The following COL5A2 variants were observed in gnomAD, a reference collection of about 807,000 sequenced individuals.
COL5A2 encodes collagen alpha-2(V) chain.
Under a neutral mutation model 208.2 loss-of-function variants are expected in COL5A2, and 23 were observed. That is an observed-to-expected ratio of 0.11 (90% CI 0.08 to 0.16). The LOEUF (loss-of-function observed/expected upper bound fraction) is 0.16, where lower values mean the gene tolerates loss of function less well. COL5A2 is among the 10% of genes least tolerant of loss of function. COL5A2 has a pLI of 1.00. For missense variants in COL5A2, 1,590 were observed against 1,956.4 expected (o/e 0.81, Z 3.53); for synonymous variants, 625 against 628.5 (o/e 0.99, Z 0.08).
At chr2:189,187,805 T>TA (rs1317604210) in intron 1 of COL5A2, among the ~76,000 whole-genome samples, 1 of 151,798 alleles carries the variant, frequency 6.6e-6, no homozygotes, top group East Asian at 1.9e-4. Context: ...CCGTCTCTAC[T>TA]AAAAAAACAA....
At chr2:189,215,598 C>T (rs1362856818) in intron 1 of COL5A2, among the ~76,000 whole-genome samples, 1 of 151,468 alleles carries the variant, frequency 6.6e-6, no homozygotes, top group Non-Finnish European at 1.5e-5. Flanking sequence ...ATATGTGTGG[C>T]TTGCATTTGA....
At chr2:189,050,110 G>A (rs1449833857) in intron 43 of COL5A2, among the ~76,000 whole-genome samples, 1 of 152,160 alleles carries the variant, frequency 6.6e-6, no homozygotes, top group African/African-American at 2.4e-5. Flanking sequence ...GGGAACAGGA[G>A]ATTACCTTCA....
intron 1 of COL5A2, among the ~76,000 whole-genome samples, chr2:189,203,465 TAAAG>T (rs1689105094): frequency 6.6e-6 from 1 of 152,164 alleles, no homozygotes; most frequent in South Asian, 2.1e-4. Context: ...GAATTAGACA[TAAAG>T]AAATACCCAA....
At position 189,198,624 on chromosome 2, in the gene COL5A2, T is replaced by G. The variant is rs371066469; in HGVS notation, c.-42+26524A>C. On this transcript the variant is annotated intron_variant, in intron 1 of 10. Transcript: ENST00000649966. ...CAGACACCTTCATTACTGATATACCTGAGAAATCAATGTAATCAATTTCTG... is the reference window on the plus strand; with the variant it reads ...CAGACACCTTCATTACTGATATACCGGAGAAATCAATGTAATCAATTTCTG... 6.6e-5 allele frequency among the ~76,000 whole-genome samples: 10 copies of G among 152,298 alleles called. No individual in the cohort carries two copies. In the East Asian group the frequency reaches 1.7e-3, roughly 27 times the overall value.
the COL5A2 span, among the ~76,000 whole-genome samples, chr2:189,416,873 G>A: frequency 2.0e-5 from 3 of 152,002 alleles, no homozygotes; most frequent in Admixed American, 2.0e-4. Context: ...TTTTTATTGG[G>A]TTGTTTAGGG....
the COL5A2 span, among the ~76,000 whole-genome samples, chr2:189,432,286 T>A: frequency 6.6e-6 from 1 of 152,152 alleles, no homozygotes; most frequent in Non-Finnish European, 1.5e-5. Flanking sequence ...ACGGGCAAAA[T>A]AACCAGCTAA....
intron 1 of COL5A2, among the ~76,000 whole-genome samples, chr2:189,215,945 T>C (rs1321904069): frequency 6.6e-6 from 1 of 152,112 alleles, no homozygotes; most frequent in African/African-American, 2.4e-5. Context: ...TGGTTACAGG[T>C]GCAGATTTTT....
chr2:189,161,906 C>T (rs545051436), intron 1 of COL5A2, among the ~76,000 whole-genome samples: 1 of 152,280 alleles, frequency 6.6e-6, no homozygotes, highest in East Asian at 1.9e-4. Flanking sequence ...AAAAATATGT[C>T]TATGATGTTC....
At chr2:189,222,294 T>C (rs1274732876) in intron 1 of COL5A2, among the ~76,000 whole-genome samples, 1 of 152,150 alleles carries the variant, frequency 6.6e-6, no homozygotes, top group Non-Finnish European at 1.5e-5. Flanking sequence ...TCAGATTCAG[T>C]AGGATTGAGG....
the COL5A2 span, among the ~76,000 whole-genome samples, chr2:189,271,433 G>A: frequency 2.0e-5 from 3 of 152,146 alleles, no homozygotes; most frequent in Non-Finnish European, 4.4e-5. Flanking sequence ...AATAAATGAT[G>A]TTGGGAAAAC....
chr2:189,295,340 A>C, the COL5A2 span, among the ~76,000 whole-genome samples: 2 of 152,260 alleles, frequency 1.3e-5, no homozygotes, highest in Non-Finnish European at 2.9e-5. Context: ...ACTGTGGCTC[A>C]AGCCTGTAAT....
intron 3 of COL5A2, among the ~76,000 whole-genome samples, chr2:189,102,870 T>C (rs930542558): frequency 6.6e-5 from 10 of 152,104 alleles, no homozygotes; most frequent in African/African-American, 2.4e-4. Context: ...TGATACCTGA[T>C]GACAAATGAA....
intron 1 of COL5A2, among the ~76,000 whole-genome samples, chr2:189,120,535 T>C (rs6434324): frequency 0.77 from 117,470 of 152,164 alleles, 48,665 homozygotes; most frequent in South Asian, 0.91. Context: ...ATTCTGTTTA[T>C]AAAAGCAAAC....
intron 3 of COL5A2, among the ~76,000 whole-genome samples, chr2:189,102,568 G>A (rs1030230521): frequency 2.0e-5 from 3 of 151,998 alleles, no homozygotes; most frequent in Admixed American, 6.6e-5. Context: ...GAAACATAAA[G>A]TTCATGTACT....
intron 1 of COL5A2, among the ~76,000 whole-genome samples, chr2:189,139,143 C>T (rs1313132247): frequency 1.3e-5 from 2 of 152,106 alleles, no homozygotes; most frequent in Non-Finnish European, 2.9e-5. Flanking sequence ...GGCGCGGTGG[C>T]TCACGTCTGT....
At chr2:189,048,102 C>A (rs1309290810) in intron 45 of COL5A2, 107 bp downstream of exon 45, 10 of 971,946 alleles carry the variant, frequency 1.0e-5, no homozygotes, top group African/African-American at 6.5e-5. Context: ...TCAGAAAAAT[C>A]AGAAGTGTAT....
chr2:189,408,694 A>G, the COL5A2 span, among the ~76,000 whole-genome samples: 1 of 152,220 alleles, frequency 6.6e-6, no homozygotes, highest in Non-Finnish European at 1.5e-5. Context: ...CATACAGGAT[A>G]CAATCACCAT....
the COL5A2 span, among the ~76,000 whole-genome samples, chr2:189,237,424 T>G: frequency 6.6e-6 from 1 of 151,012 alleles, no homozygotes; most frequent in African/African-American, 2.4e-5. Flanking sequence ...ACAGCTGGGC[T>G]CAAGCAAATG....
the COL5A2 span, among the ~76,000 whole-genome samples, chr2:189,299,211 TA>T: frequency 2.0e-5 from 3 of 152,224 alleles, no homozygotes; most frequent in Non-Finnish European, 4.4e-5. Context: ...GGCTTTAAGC[TA>T]AAGTTTTTAA....
Sources: allele counts gnomAD v4.1 joint callset (sites outside exome capture counted in the v4.1 genomes callset), GRCh38; gene constraint gnomAD v4.1.1; transcripts MANE v1.5; gene names NCBI Gene and HGNC (gene_info 2026-07-23, HGNC 2026-07-21).